Variants in PPP6R3 observed in about 807,000 individuals in gnomAD.
The protein encoded by PPP6R3 is serine/threonine-protein phosphatase 6 regulatory subunit 3.
Under a neutral mutation model 110.7 loss-of-function variants are expected in PPP6R3, and 38 were observed. The observed-to-expected ratio is 0.34, with a 90% CI of 0.26 to 0.45. The LOEUF (loss-of-function observed/expected upper bound fraction) is 0.45. Among genes scored for constraint, PPP6R3 ranks in the 20% least tolerant of loss-of-function variants. The pLI is 1.00. For synonymous variants in PPP6R3, 369 were observed against 373.5 expected (o/e 0.99, Z 0.14); for missense variants, 870 against 1,062.4 (o/e 0.82, Z 2.52).
At position 68,510,054 on chromosome 11, in the gene PPP6R3, C is replaced by CTTT. The variant is rs372113258; in HGVS notation, c.-157-9428_-157-9426dup. ...ACAGGTGTGAGCTACTGTGCTCGGC[C>CTTT]TTTTTTTTTTTTTTTTTTTTTGATA... is the stretch of plus-strand genomic sequence containing the variant. On this transcript the variant is annotated intron_variant, in intron 1 of 23. Coordinates refer to ENST00000393800, the MANE Select transcript of PPP6R3 (RefSeq NM_001164161.2). Among the ~76,000 whole-genome samples, 77 of 76,952 alleles carry CTTT rather than the reference C, an allele frequency of 1.0e-3. 2 individuals are homozygous for CTTT. The highest frequency in any genetic ancestry group is 1.2e-3 in the African/African-American group (21 of 18,040). The allele number at this position is 76,952 out of a possible 152,430, so 50.5% of individuals were successfully genotyped here.
intron 1 of PPP6R3, among the ~76,000 whole-genome samples, chr11:68,496,363 A>G (rs1169280554): frequency 6.6e-6 from 1 of 151,332 alleles, no homozygotes; most frequent in Non-Finnish European, 1.5e-5. Flanking sequence ...CCTTTTTGAG[A>G]CGGGGTCTCT....
At chr11:68,574,353 A>G in intron 13 of PPP6R3, 129 bp downstream of exon 13, 1 of 670,830 alleles carries the variant, frequency 1.5e-6, no homozygotes, top group South Asian at 1.8e-5. Flanking sequence ...CAAATTATGT[A>G]TTTGAATGAG....
rs762225325 is a variant in PPP6R3 at position 68,519,638 on chromosome 11, A to G, written c.-20A>G. 7.5e-6 allele frequency: 3 copies of G among 398,474 alleles called. No individual in the cohort carries two copies. The highest frequency in any genetic ancestry group is 1.3e-5 in the Non-Finnish European group (3 of 226,060). 24.7% of individuals were successfully genotyped at this position (398,474 alleles called of 1,614,324 possible). A position where few individuals can be genotyped will look rare whatever the true frequency, so the allele number is the denominator to read the frequency against. On this transcript the variant is annotated 5_prime_UTR_variant, in exon 2 of 24. Transcript: ENST00000393800. ...AGAAAACATTTCTTTTAATTTTTAA[A>G]CTTGGTTTGAAAGGTAAGACCATTA...
chr11:68,465,080 C>G (rs1451192232), intron 1 of PPP6R3, among the ~76,000 whole-genome samples: 1 of 152,062 alleles, frequency 6.6e-6, no homozygotes, highest in African/African-American at 2.4e-5. Context: ...TGGGGTTTCA[C>G]CATGTGGGCC....
intron 1 of PPP6R3, among the ~76,000 whole-genome samples, chr11:68,518,051 G>A (rs1267679017): frequency 5.9e-5 from 9 of 152,164 alleles, no homozygotes; most frequent in Non-Finnish European, 1.5e-5. Context: ...AATGTCAGGA[G>A]GAACAGTAGA....
At chr11:68,589,069 C>G (rs957295055) in intron 16 of PPP6R3, among the ~76,000 whole-genome samples, 3 of 151,878 alleles carry the variant, frequency 2.0e-5, no homozygotes, top group African/African-American at 7.3e-5. Context: ...AATAGCCAGG[C>G]TGGGTGGTGT....
chr11:68,501,115 G>T (rs1592123999), intron 1 of PPP6R3, among the ~76,000 whole-genome samples: 1 of 152,158 alleles, frequency 6.6e-6, no homozygotes. Context: ...TCCTCGTGCT[G>T]TCTGCTGGCT....
intron 1 of PPP6R3, among the ~76,000 whole-genome samples, chr11:68,502,336 A>G (rs2099053016): frequency 6.6e-6 from 1 of 152,190 alleles, no homozygotes; most frequent in Non-Finnish European, 1.5e-5. Context: ...TTATACTCTT[A>G]GTACCTCTTA....
At chr11:68,599,213 G>T (rs756278456) in intron 19 of PPP6R3, among the ~76,000 whole-genome samples, 1 of 152,330 alleles carries the variant, frequency 6.6e-6, no homozygotes, top group East Asian at 1.9e-4. Context: ...ATCCCTGATG[G>T]AATGCAGTGG....
At chr11:68,506,640 C>T (rs1157485852) in intron 1 of PPP6R3, among the ~76,000 whole-genome samples, 1 of 152,028 alleles carries the variant, frequency 6.6e-6, no homozygotes, top group African/African-American at 2.4e-5. Flanking sequence ...GTATTTACTA[C>T]ATTCACCATG....
At chr11:68,565,157 T>C (rs2099456310) in intron 9 of PPP6R3, among the ~76,000 whole-genome samples, 1 of 150,620 alleles carries the variant, frequency 6.6e-6, no homozygotes, top group African/African-American at 2.4e-5. Flanking sequence ...GTGCGAGTTA[T>C]TGGGAATTTA....
chr11:68,468,859 T>G (rs1316865094), intron 1 of PPP6R3, among the ~76,000 whole-genome samples: 1 of 152,256 alleles, frequency 6.6e-6, no homozygotes, highest in Non-Finnish European at 1.5e-5. Context: ...AAACATCTTT[T>G]AAGTTTATTC....
Position 68,582,479 on chromosome 11 carries a change from A to G in PPP6R3, c.1546-564A>G, listed in dbSNP as rs186081664. ...GGGCAGGGTGCACATTTTCAAGGGT[A>G]GATGATTTGGGGTCTTTTGTGAGTG... On this transcript the variant is annotated intron_variant, in intron 14 of 23. Transcript: ENST00000393800. Among the ~76,000 whole-genome samples, 7 of 152,350 alleles carry G rather than the reference A, an allele frequency of 4.6e-5. No individual in the cohort carries two copies. In the East Asian group the frequency reaches 9.6e-4, roughly 21 times the overall value.
At chr11:68,555,543 A>G (rs1259162260) in intron 7 of PPP6R3, among the ~76,000 whole-genome samples, 4 of 152,222 alleles carry the variant, frequency 2.6e-5, no homozygotes, top group African/African-American at 9.7e-5. Context: ...CATAGTAGAC[A>G]GTGCAGGTTC....
chr11:68,597,958 G>A (rs1029331897), intron 19 of PPP6R3, among the ~76,000 whole-genome samples: 3 of 151,914 alleles, frequency 2.0e-5, no homozygotes, highest in East Asian at 3.9e-4. Context: ...CAGCCTGGGC[G>A]ACAGAGTGAG....
At chr11:68,583,327 G>A (rs756921456) in intron 15 of PPP6R3, among the ~76,000 whole-genome samples, 198 bp downstream of exon 15, 2 of 152,194 alleles carry the variant, frequency 1.3e-5, no homozygotes, top group Non-Finnish European at 2.9e-5. Context: ...TCAAGGGATT[G>A]TTCCATCCCT....
At chr11:68,521,708 A>T (rs1245603116) in intron 2 of PPP6R3, among the ~76,000 whole-genome samples, 1 of 152,206 alleles carries the variant, frequency 6.6e-6, no homozygotes, top group African/African-American at 2.4e-5. Flanking sequence ...CAAGAGGCAA[A>T]AAAGAGGATT....
chr11:68,538,829 A>G (rs1362181769), intron 3 of PPP6R3, among the ~76,000 whole-genome samples: 2 of 152,216 alleles, frequency 1.3e-5, no homozygotes, highest in Admixed American at 6.5e-5. Context: ...TTAATAAAAG[A>G]GGAGGAAAGG....
intron 1 of PPP6R3, among the ~76,000 whole-genome samples, chr11:68,510,805 A>G (rs1280927125): frequency 6.6e-6 from 1 of 152,176 alleles, no homozygotes; most frequent in East Asian, 1.9e-4. Context: ...AGTTAAAAAT[A>G]CTTATTTACC....
Sources: allele counts gnomAD v4.1 joint callset (sites outside exome capture counted in the v4.1 genomes callset), GRCh38; gene constraint gnomAD v4.1.1; transcripts MANE v1.5; gene names NCBI Gene and HGNC (gene_info 2026-07-23, HGNC 2026-07-21).